PTPRA: variants seen among roughly 807,000 people sequenced by gnomAD.
The protein encoded by PTPRA is protein tyrosine phosphatase receptor type A.
PTPRA carries 25 observed loss-of-function variants against 104.8 expected under a neutral mutation model. The ratio of observed to expected loss-of-function variants is 0.24; its 90% CI spans 0.17 to 0.33. The LOEUF (loss-of-function observed/expected upper bound fraction) is 0.33. Among genes scored for constraint, PTPRA ranks in the 10% least tolerant of loss-of-function variants. The pLI is 1.00. For missense variants in PTPRA, 765 were observed against 1,015.3 expected, an observed-to-expected ratio of 0.75 and a Z score of 3.35; for synonymous variants, 323 against 368.9, an observed-to-expected ratio of 0.88 and a Z score of 1.43.
intron 5 of PTPRA, among the ~76,000 whole-genome samples, chr20:2,973,787 C>G (rs550197784): frequency 6.6e-6 from 1 of 152,292 alleles, no homozygotes; most frequent in East Asian, 1.9e-4. Context: ...CAAATATAGT[C>G]TGCCAGGAGA....
At chr20:2,883,054 G>C (rs1285117596) in intron 1 of PTPRA, among the ~76,000 whole-genome samples, 1 of 146,016 alleles carries the variant, frequency 6.8e-6, no homozygotes, top group East Asian at 2.0e-4. Flanking sequence ...GCATGATCAT[G>C]GCTCATTGCA....
rs547767979 is a variant in PTPRA, at chr20:2,927,280, C to A, written c.-50+3995C>A. ...GGCAGCATTTTCTGGGTTTTTATTT[C>A]TTTCTCTGTAGGTTCAATGTCATAG... is the stretch of plus-strand genomic sequence containing the variant. On this transcript the variant is annotated intron_variant, in intron 2 of 23. Coordinates refer to ENST00000399903, the MANE Select transcript of PTPRA (RefSeq NM_001385305.1). Among the ~76,000 whole-genome samples the A allele has an allele frequency of 7.9e-5, 12 of 152,232 alleles. No homozygotes were observed. In the South Asian group the frequency reaches 1.7e-3, roughly 21 times the overall value.
intron 18 of PTPRA, 138 bp downstream of exon 18, chr20:3,026,918 C>T (rs2065173583): frequency 2.1e-6 from 2 of 951,966 alleles, no homozygotes; most frequent in African/African-American, 1.6e-5. Flanking sequence ...ACCCACTTAA[C>T]AACATGGCGT....
intron 17 of PTPRA, among the ~76,000 whole-genome samples, chr20:3,025,363 G>C (rs2065080122): frequency 6.6e-6 from 1 of 150,476 alleles, no homozygotes; most frequent in Admixed American, 6.7e-5. Flanking sequence ...TGAGGCGAGA[G>C]AATTGCTTGA....
Position 3,035,685 on chromosome 20 carries a change from G to A in PTPRA, c.2021G>A (p.Arg674Gln), listed in dbSNP as rs2148527748. 1 of 1,614,194 alleles carries A rather than the reference G, an allele frequency of 6.2e-7. No homozygotes were observed. The highest frequency in any genetic ancestry group is 8.5e-7 in the Non-Finnish European group (1 of 1,180,016). ...KEEECESYTV[R>Q]DLLVTNTREN... is the part of the protein sequence containing the mutation. The stretch of plus-strand genomic sequence containing the variant: ...GAGGAATGTGAGAGCTACACCGTCC[G>A]AGACCTCCTGGTCACCAACACCAGG... The change falls in exon 21 of 24, where the codon CGA (arginine) becomes CAA (glutamine). Residue 674 changes from arginine to glutamine, a missense_variant. Coordinates refer to ENST00000399903, the MANE Select transcript of PTPRA (RefSeq NM_001385305.1). This position sits in a 1 kb window ranked among gnomAD's most constrained non-coding sequence, Gnocchi z 5.8.
At chr20:2,944,806 A>T (rs1371367114) in intron 2 of PTPRA, among the ~76,000 whole-genome samples, 12 of 152,096 alleles carry the variant, frequency 7.9e-5, no homozygotes, top group Non-Finnish European at 1.8e-4. Flanking sequence ...CAGAAATTTC[A>T]CTATTGTGTA....
intron 1 of PTPRA, among the ~76,000 whole-genome samples, chr20:2,911,306 A>G (rs1272335654): frequency 6.6e-6 from 1 of 152,148 alleles, no homozygotes; most frequent in Admixed American, 6.5e-5. Flanking sequence ...CTCTGAGTGA[A>G]CAGTAACAGA....
Position 3,034,223 on chromosome 20 carries a change from A to C in PTPRA, c.1921-1362A>C, listed in dbSNP as rs527432382. Among the ~76,000 whole-genome samples, 4 of 152,256 alleles carry C rather than the reference A, an allele frequency of 2.6e-5. No homozygotes were observed. In the East Asian group the frequency reaches 7.7e-4, roughly 29 times the overall value. On this transcript the variant is annotated intron_variant, in intron 20 of 23. Transcript: ENST00000399903. ...GAGGCGGAGGCTGCAGTAAGTCAAG[A>C]TCATGCCACTGCACTCCAGCCTGGG... is the stretch of plus-strand genomic sequence containing the variant.
rs947205351 is a variant in PTPRA at position 3,003,373 on chromosome 20, A to G, written c.739-1683A>G. On this transcript the variant is annotated intron_variant, in intron 9 of 23. Transcript: ENST00000399903. ...TTTTGGGTCATTCTAAATAATGATGAAGTAAATAATTAGGACATAAAGATT... is the reference window on the plus strand; with the variant it reads ...TTTTGGGTCATTCTAAATAATGATGGAGTAAATAATTAGGACATAAAGATT... Among the ~76,000 whole-genome samples, 8 of 152,344 alleles carry G rather than the reference A, an allele frequency of 5.3e-5. 1 individual carries two copies. The highest frequency in any genetic ancestry group is 1.9e-4 in the African/African-American group (8 of 41,578).
At chr20:2,917,762 G>T (rs568009571) in intron 1 of PTPRA, among the ~76,000 whole-genome samples, 1 of 151,974 alleles carries the variant, frequency 6.6e-6, no homozygotes, top group African/African-American at 2.4e-5. Context: ...GCTTGAGCCT[G>T]GGAGTTAGAC....
chr20:2,928,086 C>T (rs1453669427), intron 2 of PTPRA, among the ~76,000 whole-genome samples: 1 of 152,112 alleles, frequency 6.6e-6, no homozygotes, highest in East Asian at 1.9e-4. Flanking sequence ...AGGTACCTGG[C>T]AGATAAATTT....
intron 11 of PTPRA, among the ~76,000 whole-genome samples, chr20:3,014,681 C>T (rs1176049266): frequency 2.6e-5 from 4 of 152,024 alleles, no homozygotes; most frequent in Admixed American, 1.3e-4. Context: ...ATTTAGGCCA[C>T]TTCTTATATT....
chr20:3,030,045 C>T (rs962590415), intron 20 of PTPRA, among the ~76,000 whole-genome samples: 3 of 152,188 alleles, frequency 2.0e-5, no homozygotes, highest in African/African-American at 7.2e-5. Flanking sequence ...TTCTGCACCC[C>T]TGCCCTTCAG....
intron 2 of PTPRA, among the ~76,000 whole-genome samples, chr20:2,933,991 T>C (rs2060600272): frequency 6.6e-6 from 1 of 152,256 alleles, no homozygotes; most frequent in Non-Finnish European, 1.5e-5. Context: ...TTACATTCCA[T>C]TGTATTATTG....
At chr20:3,029,540 C>T (rs865973996) in intron 20 of PTPRA, among the ~76,000 whole-genome samples, 110 of 78,036 alleles carry the variant, frequency 1.4e-3, no homozygotes, top group Middle Eastern at 0.021. Flanking sequence ...TCTTCATCAT[C>T]TTTTTTTTTT....
intron 9 of PTPRA, 129 bp downstream of exon 9, chr20:2,988,603 CA>C: frequency 2.3e-6 from 3 of 1,313,116 alleles, no homozygotes; most frequent in Non-Finnish European, 3.1e-6. Context: ...AATGTTTTAC[CA>C]AGTTTATCTG....
chr20:3,036,728 G>A (rs1039244776), intron 22 of PTPRA, among the ~76,000 whole-genome samples: 1 of 152,234 alleles, frequency 6.6e-6, no homozygotes, highest in Non-Finnish European at 1.5e-5. Flanking sequence ...TCTGGATTCC[G>A]TGGATTTGGG....
At chr20:2,899,671 A>G (rs2059153145) in intron 1 of PTPRA, among the ~76,000 whole-genome samples, 1 of 152,248 alleles carries the variant, frequency 6.6e-6, no homozygotes, top group African/African-American at 2.4e-5. Context: ...AAGAATGATT[A>G]TATAGGTATG....
At chr20:2,919,584 C>T (rs1029161081) in intron 1 of PTPRA, among the ~76,000 whole-genome samples, 8 of 152,190 alleles carry the variant, frequency 5.3e-5, no homozygotes, top group African/African-American at 1.9e-4. Context: ...TGCCCTGCCA[C>T]CCAGGCTGGA....
Sources: allele counts gnomAD v4.1 joint callset (sites outside exome capture counted in the v4.1 genomes callset), GRCh38; gene constraint gnomAD v4.1.1; non-coding constraint Gnocchi (gnomAD v3.1); transcripts MANE v1.5; gene names NCBI Gene and HGNC (gene_info 2026-07-23, HGNC 2026-07-21).